The following WWOX variants were observed in gnomAD, a reference collection of about 807,000 sequenced individuals.
The protein encoded by WWOX is WW domain containing oxidoreductase, also known as WW domain-containing oxidoreductase.
A neutral mutation model predicts 46.2 loss-of-function variants in WWOX; 69 were observed. That is an observed-to-expected ratio of 1.49 (90% CI 1.23 to 1.82). WWOX has a LOEUF of 1.82. Among genes scored for constraint, WWOX ranks in the 40% most tolerant of loss-of-function variants. WWOX has a pLI of 0.00. For missense variants in WWOX, 919 were observed against 542.6 expected (o/e 1.69, Z -6.89); for synonymous variants, 359 against 202.6 (o/e 1.77, Z -6.56).
intron 8 of WWOX, among the ~76,000 whole-genome samples, chr16:78,812,499 A>G (rs1267353791): frequency 4.6e-5 from 7 of 152,108 alleles, no homozygotes; most frequent in Admixed American, 3.3e-4. Context: ...AGGTGGACGG[A>G]TCACCTGAGG....
chr16:79,062,464 C>G (rs1469948434), intron 8 of WWOX, among the ~76,000 whole-genome samples: 1 of 152,124 alleles, frequency 6.6e-6, no homozygotes, highest in Non-Finnish European at 1.5e-5. Context: ...CTTCCCGGTG[C>G]CGTGCGGTGT....
At chr16:79,156,820 T>C (rs984666684) in intron 8 of WWOX, among the ~76,000 whole-genome samples, 6 of 134,924 alleles carry the variant, frequency 4.4e-5, no homozygotes, top group African/African-American at 1.9e-4. Context: ...TTTAAACACT[T>C]GCTGAAAGAA....
chr16:78,526,489 A>C lies in WWOX; in HGVS notation c.1056+93737A>C, dbSNP rs1040157250. On this transcript the variant is annotated intron_variant, in intron 8 of 8. Coordinates refer to ENST00000566780, the MANE Select transcript of WWOX (RefSeq NM_016373.4). ...ATAGAGAAGATCCATTGCAAAATGA[A>C]AATATGGGGTTCTAGCCAGGGGCAG... The C allele has an allele frequency of 8.5e-5, 13 of 152,298 alleles. No individual in the cohort carries two copies. In the East Asian group the frequency reaches 2.5e-3, roughly 29 times the overall value. 9.4% of individuals were successfully genotyped at this position (152,298 alleles called of 1,614,324 possible).
At chr16:78,805,515 C>T (rs2142678650) in intron 8 of WWOX, among the ~76,000 whole-genome samples, 1 of 152,098 alleles carries the variant, frequency 6.6e-6, no homozygotes, top group African/African-American at 2.4e-5. Flanking sequence ...GATTTCCTGA[C>T]ATCGTGATCC....
chr16:78,809,178 A>T (rs765665523), intron 8 of WWOX, among the ~76,000 whole-genome samples: 1 of 152,210 alleles, frequency 6.6e-6, no homozygotes, highest in South Asian at 2.1e-4. Context: ...GAACTTGTGC[A>T]AATGTTTCTC....
At chr16:78,365,906 G>C (rs150186900) in intron 5 of WWOX, among the ~76,000 whole-genome samples, 180 of 152,128 alleles carry the variant, frequency 1.2e-3, no homozygotes, top group African/African-American at 4.0e-3. Context: ...TGTTGTTTTG[G>C]TTTGGGTTTC....
intron 8 of WWOX, among the ~76,000 whole-genome samples, chr16:78,845,329 C>T (rs2052270861): frequency 6.6e-6 from 1 of 152,118 alleles, no homozygotes; most frequent in African/African-American, 2.4e-5. Context: ...GCCTTTCCTC[C>T]TATCTGTCTG....
rs140552127 is a variant in WWOX, at chr16:78,991,332, G to A, written c.1057-220276G>A. Among the ~76,000 whole-genome samples, 112 of 152,216 alleles carry A rather than the reference G, an allele frequency of 7.4e-4. No individual in the cohort carries two copies. In the Middle Eastern group the frequency reaches 0.014, roughly 18 times the overall value. ...GTCCCAGCCAGGCACAGTGGCTCAC[G>A]CCTGTAATTCCAGCATTTTGGGAGG... On this transcript the variant is annotated intron_variant, in intron 8 of 8. Coordinates refer to ENST00000566780, the MANE Select transcript of WWOX (RefSeq NM_016373.4).
chr16:79,083,189 G>C (rs1211117292), intron 8 of WWOX, among the ~76,000 whole-genome samples: 1 of 152,140 alleles, frequency 6.6e-6, no homozygotes, highest in Non-Finnish European at 1.5e-5. Flanking sequence ...ACTTGAGGGC[G>C]CAGGTAGGGG....
chr16:78,524,183 A>G (rs182774610), intron 8 of WWOX, among the ~76,000 whole-genome samples: 29 of 152,298 alleles, frequency 1.9e-4, no homozygotes, highest in East Asian at 9.6e-4. Flanking sequence ...CTCTTTATAA[A>G]GTAAACATTT....
chr16:79,036,468 G>A (rs2047868775), intron 8 of WWOX, among the ~76,000 whole-genome samples: 2 of 152,218 alleles, frequency 1.3e-5, no homozygotes, highest in African/African-American at 4.8e-5. Context: ...GACATGTGAG[G>A]CCTTTGACAA....
chr16:78,954,932 G>A (rs2046134506), intron 8 of WWOX, among the ~76,000 whole-genome samples: 1 of 152,110 alleles, frequency 6.6e-6, no homozygotes, highest in Non-Finnish European at 1.5e-5. Context: ...TGAGACCACA[G>A]GCACGGGACA....
At chr16:78,176,649 A>G (rs1178409556) in intron 5 of WWOX, among the ~76,000 whole-genome samples, 1 of 152,222 alleles carries the variant, frequency 6.6e-6, no homozygotes, top group Non-Finnish European at 1.5e-5. Flanking sequence ...CTTCAGATTT[A>G]TGACTCTGGG....
chr16:78,409,608 T>G (rs893816564), intron 6 of WWOX, among the ~76,000 whole-genome samples: 16 of 152,222 alleles, frequency 1.1e-4, no homozygotes, highest in African/African-American at 3.6e-4. Context: ...CCATTGCTGT[T>G]GTAATAAATT....
At position 78,408,881 on chromosome 16, in the gene WWOX, G is replaced by A. The variant is rs866370248; in HGVS notation, c.606-15989G>A. On this transcript the variant is annotated intron_variant, in intron 6 of 8. Coordinates refer to ENST00000566780, the MANE Select transcript of WWOX (RefSeq NM_016373.4). ...CTCAGTGGACCACTCAAGGAAGGTG[G>A]GTAAGCCCTGGGTATAAGTGTGTAA... Among the ~76,000 whole-genome samples the A allele has an allele frequency of 7.2e-5, 11 of 152,102 alleles. No homozygotes were observed. The South Asian group carries it at 2.3e-3, about 32-fold the overall frequency.
chr16:78,640,800 G>A (rs544887100), intron 8 of WWOX, among the ~76,000 whole-genome samples: 6 of 152,104 alleles, frequency 3.9e-5, no homozygotes, highest in South Asian at 2.1e-4. Flanking sequence ...TTAGCCGGGC[G>A]TGGCAGTGTG....
In WWOX at chr16:78,370,976, A is replaced by ATGTCTTT. The variant is rs776317489; in HGVS notation, c.517-15883_517-15882insGTCTTTT. ...CAGGTTGCTCTGAGACTGTGTTGTG[A>ATGTCTTT]TTTCTTTTTTTTTTTTTTTTACTTG... On this transcript the variant is annotated intron_variant, in intron 5 of 8. Transcript: ENST00000566780. 3.9e-5 allele frequency among the ~76,000 whole-genome samples: 5 copies of ATGTCTTT among 128,582 alleles called. 1 individual carries two copies. Among genetic ancestry groups the ATGTCTTT allele is most frequent in the African/African-American group, 1.2e-4 (4 of 34,696 alleles). 84.4% of individuals were successfully genotyped at this position (128,582 alleles called of 152,430 possible).
chr16:78,518,139 G>T (rs564773562), intron 8 of WWOX, among the ~76,000 whole-genome samples: 1 of 152,150 alleles, frequency 6.6e-6, no homozygotes, highest in Non-Finnish European at 1.5e-5. Context: ...CATGAAATAT[G>T]TACCTACAGA....
intron 8 of WWOX, among the ~76,000 whole-genome samples, chr16:79,191,275 C>G (rs960298871): frequency 2.0e-5 from 3 of 152,028 alleles, no homozygotes; most frequent in East Asian, 1.9e-4. Flanking sequence ...AGGCTGGTCT[C>G]GAACTCCTGA....
Sources: gnomAD v4.1 joint callset for allele counts (sites outside exome capture counted in the v4.1 genomes callset) on GRCh38, gnomAD v4.1.1 for gene constraint, MANE v1.5 for transcripts, NCBI Gene and HGNC (gene_info 2026-07-23, HGNC 2026-07-21) for gene names.